Variants in SF3A3 observed in about 807,000 individuals in gnomAD.
SF3A3 encodes splicing factor 3a subunit 3, also known as SAP 61.
Under a neutral mutation model 85.8 loss-of-function variants are expected in SF3A3, and 9 were observed. The ratio of observed to expected loss-of-function variants is 0.10; its 90% CI spans 0.06 to 0.18. The LOEUF (loss-of-function observed/expected upper bound fraction) is 0.18, where lower values mean the gene tolerates loss of function less well. SF3A3 is among the 10% of genes least tolerant of loss of function. SF3A3 has a pLI of 1.00. For missense variants in SF3A3, 306 were observed against 593.3 expected, an observed-to-expected ratio of 0.52 and a Z score of 5.03; for synonymous variants, 195 against 204.4, an observed-to-expected ratio of 0.95 and a Z score of 0.39.
At chr1:37,970,243 T>C (rs1441626108) in intron 12 of SF3A3, among the ~76,000 whole-genome samples, 1 of 148,588 alleles carries the variant, frequency 6.7e-6, no homozygotes, top group Non-Finnish European at 1.5e-5. Context: ...AGTTTGAGGA[T>C]GCAGTGAGCT....
chr1:37,974,935 C>G (rs139334949), intron 12 of SF3A3, among the ~76,000 whole-genome samples: 83 of 152,260 alleles, frequency 5.5e-4, no homozygotes, highest in African/African-American at 1.9e-3. Flanking sequence ...TCCCTTCTCT[C>G]TTTCTACTTA....
In SF3A3 at chr1:37,978,652, T is replaced by C. The variant is rs1646396009; in HGVS notation, c.935+68A>G. On this transcript the variant is annotated intron_variant, in intron 11 of 16. Coordinates refer to ENST00000373019, the MANE Select transcript of SF3A3 (RefSeq NM_006802.4). Reference sequence around the variant, plus strand: ...AAAGCAGGCTTTAAAGTCTCCACTGTGGTTAAAAATTCTGCATGGGAATAA... The same window carrying C: ...AAAGCAGGCTTTAAAGTCTCCACTGCGGTTAAAAATTCTGCATGGGAATAA... 4 of 965,312 alleles carry C rather than the reference T, an allele frequency of 4.1e-6. No homozygotes were observed. In the African/African-American group the frequency reaches 6.6e-5, roughly 16 times the overall value. The allele number at this position is 965,312 out of a possible 1,614,324, so 59.8% of individuals were successfully genotyped here. A position where few individuals can be genotyped will look rare whatever the true frequency, so the allele number is the denominator to read the frequency against.
At chr1:37,962,591 G>A (rs1436613341) in intron 15 of SF3A3, among the ~76,000 whole-genome samples, 1 of 99,038 alleles carries the variant, frequency 1.0e-5, no homozygotes, top group Admixed American at 1.4e-4. Flanking sequence ...CAACAAGAGC[G>A]AAACTCCATC....
intron 12 of SF3A3, among the ~76,000 whole-genome samples, chr1:37,976,547 T>G (rs1341096711): frequency 6.6e-6 from 1 of 152,202 alleles, no homozygotes; most frequent in Non-Finnish European, 1.5e-5. Flanking sequence ...GTAGCCTTTC[T>G]GTTACTTGCC....
At chr1:37,974,113 G>T (rs916347035) in intron 12 of SF3A3, among the ~76,000 whole-genome samples, 1 of 151,978 alleles carries the variant, frequency 6.6e-6, no homozygotes, top group African/African-American at 2.4e-5. Context: ...GATAGCATTA[G>T]GAGATATACC....
intron 15 of SF3A3, 47 bp downstream of exon 15, chr1:37,967,997 A>G (rs1415135998): frequency 8.7e-7 from 1 of 1,155,612 alleles, no homozygotes; most frequent in Admixed American, 1.7e-5. Context: ...TTGAAGGAGT[A>G]GAGCCATTTG....
chr1:37,969,495 G>T (rs1646324178), intron 13 of SF3A3, 31 bp from the exon 14 acceptor site: 1 of 1,612,320 alleles, frequency 6.2e-7, no homozygotes, highest in East Asian at 2.2e-5. Context: ...ACAAAACCAA[G>T]AAGTGTTAGC....
rs900694615 is a variant in SF3A3 at position 37,989,674 on chromosome 1, C to G, written c.97-79G>C. The G allele has an allele frequency of 7.8e-6, 12 of 1,537,494 alleles. No individual in the cohort carries two copies. In the African/African-American group the frequency reaches 1.7e-4, roughly 21 times the overall value. On this transcript the variant is annotated intron_variant, in intron 1 of 16. Transcript: ENST00000373019. The stretch of plus-strand genomic sequence containing the variant: ...AAGGCCGCCCGAGGGCGGAGCTTAC[C>G]CGCTCAGCTTTTACCAGCTGAGGCA...
intron 16 of SF3A3, among the ~76,000 whole-genome samples, chr1:37,959,076 T>C (rs1035884892): frequency 1.1e-4 from 16 of 151,588 alleles, no homozygotes; most frequent in African/African-American, 3.9e-4. Flanking sequence ...TTCAACTTTT[T>C]TTTCTTTTTT....
chr1:37,958,303 A>G lies in SF3A3; in HGVS notation c.1429-40T>C, dbSNP rs753258643. ...GTACACTTTGTTAGACAGCTCTCCTAAAAGAAATGTTTGGAACCAATCTCT... is the reference window on the plus strand; with the variant it reads ...GTACACTTTGTTAGACAGCTCTCCTGAAAGAAATGTTTGGAACCAATCTCT... On this transcript the variant is annotated intron_variant, in intron 16 of 16. Transcript: ENST00000373019. 4 of 1,434,444 alleles carry G rather than the reference A, an allele frequency of 2.8e-6. No individual in the cohort carries two copies. In the East Asian group the frequency reaches 6.8e-5, roughly 24 times the overall value. 88.9% of individuals were successfully genotyped at this position (1,434,444 alleles called of 1,614,324 possible). A position where few individuals can be genotyped will look rare whatever the true frequency, so the allele number is the denominator to read the frequency against.
At chr1:37,976,554 T>C (rs1646381213) in intron 12 of SF3A3, among the ~76,000 whole-genome samples, 1 of 152,196 alleles carries the variant, frequency 6.6e-6, no homozygotes, top group Non-Finnish European at 1.5e-5. Context: ...TTCTGTTACT[T>C]GCCCTTTGAG....
intron 6 of SF3A3, among the ~76,000 whole-genome samples, chr1:37,983,090 C>T (rs1164314582): frequency 2.0e-5 from 3 of 151,626 alleles, no homozygotes; most frequent in Non-Finnish European, 4.4e-5. Flanking sequence ...AGGCATGCGC[C>T]ACCATGCCCA....
chr1:37,963,087 C>CA (rs112449841), intron 15 of SF3A3, among the ~76,000 whole-genome samples: 9,947 of 115,966 alleles, frequency 0.086, 616 homozygotes, highest in African/African-American at 0.2. Context: ...GACTCCGTCT[C>CA]AAAAAAAAAA....
chr1:37,969,351 T>C lies in SF3A3; in HGVS notation c.1281+3A>G, dbSNP rs1215512157. 1 of 1,603,764 alleles carries C rather than the reference T, an allele frequency of 6.2e-7. No homozygotes were observed. Among genetic ancestry groups the C allele is most frequent in the Non-Finnish European group, 8.5e-7 (1 of 1,172,394 alleles). Reference sequence around the variant, plus strand: ...CCAGGAAAAATGGCTCTGAATTCCTTACAGCAAAGTGTCGCTGGAAGGCTT... The same window carrying C: ...CCAGGAAAAATGGCTCTGAATTCCTCACAGCAAAGTGTCGCTGGAAGGCTT... On this transcript the variant is annotated splice_donor_region_variant and intron_variant, in intron 14 of 16. Coordinates refer to ENST00000373019, the MANE Select transcript of SF3A3 (RefSeq NM_006802.4).
intron 4 of SF3A3, among the ~76,000 whole-genome samples, chr1:37,986,846 A>T (rs1646461171): frequency 1.3e-5 from 2 of 149,496 alleles, no homozygotes; most frequent in African/African-American, 4.9e-5. Context: ...AGAGTTAGGA[A>T]CACAATTTAT....
chr1:37,969,109 G>A (rs1216325672), intron 14 of SF3A3, among the ~76,000 whole-genome samples: 5 of 152,120 alleles, frequency 3.3e-5, no homozygotes, highest in Admixed American at 1.3e-4. Flanking sequence ...TTAAGAGCAG[G>A]CAAGAGAAAA....
intron 15 of SF3A3, among the ~76,000 whole-genome samples, chr1:37,964,854 C>T (rs1646287967): frequency 6.6e-6 from 1 of 152,032 alleles, no homozygotes; most frequent in Non-Finnish European, 1.5e-5. Context: ...TCTATTTTTC[C>T]CTTTATATCA....
At chr1:37,973,348 CG>C (rs1205258816) in intron 12 of SF3A3, among the ~76,000 whole-genome samples, 1 of 152,096 alleles carries the variant, frequency 6.6e-6, no homozygotes, top group Non-Finnish European at 1.5e-5. Flanking sequence ...ACTGACAAAT[CG>C]GATGTAATTA....
intron 6 of SF3A3, 151 bp downstream of exon 6, chr1:37,984,018 T>C (rs1284141669): frequency 6.3e-6 from 3 of 478,738 alleles, no homozygotes; most frequent in Non-Finnish European, 1.1e-5. Flanking sequence ...AGTATTTCAT[T>C]CCAAGAGAGC....
Sources: allele counts gnomAD v4.1 joint callset (sites outside exome capture counted in the v4.1 genomes callset), GRCh38; gene constraint gnomAD v4.1.1; transcripts MANE v1.5; gene names NCBI Gene and HGNC (gene_info 2026-07-23, HGNC 2026-07-21).